Variants in RPH3A observed in about 807,000 individuals in gnomAD.
RPH3A encodes rabphilin 3A.
A neutral mutation model predicts 102.2 loss-of-function variants in RPH3A; 48 were observed. The ratio of observed to expected loss-of-function variants is 0.47; its 90% confidence interval spans 0.37 to 0.60. RPH3A has a LOEUF of 0.60. RPH3A is among the 20% of genes least tolerant of loss of function. The probability of loss-of-function intolerance (pLI) is 0.00; values close to 1 mark genes in which losing one functional copy is unlikely to be tolerated. For missense variants in RPH3A, 781 were observed against 910.1 expected (o/e 0.86, Z 1.83); for synonymous variants, 310 against 324.3 (o/e 0.96, Z 0.47).
At chr12:112,847,651 T>A (rs1284033680) in intron 4 of RPH3A, 45 bp from the exon 5 acceptor site, 2 of 1,592,928 alleles carry the variant, frequency 1.3e-6, no homozygotes, top group Non-Finnish European at 1.7e-6. Flanking sequence ...GAATTTGAAC[T>A]ACTATTTTCT....
chr12:112,632,746 C>T (rs1028654458), intron 1 of RPH3A, among the ~76,000 whole-genome samples: 5 of 152,184 alleles, frequency 3.3e-5, no homozygotes, highest in African/African-American at 1.2e-4. Flanking sequence ...GTACTACTGG[C>T]ATCTAGTGCA....
chr12:112,664,905 G>T (rs2040073915), intron 1 of RPH3A, among the ~76,000 whole-genome samples: 1 of 151,664 alleles, frequency 6.6e-6, no homozygotes, highest in African/African-American at 2.4e-5. Flanking sequence ...TGGAAGAGCT[G>T]GGGACTTAAC....
chr12:112,763,816 C>T (rs111496114), intron 1 of RPH3A, among the ~76,000 whole-genome samples: 1,913 of 152,232 alleles, frequency 0.013, 45 homozygotes, highest in African/African-American at 0.044. Context: ...TTGGAATGCC[C>T]TTAGCTGCGA....
chr12:112,843,659 T>C (rs78697240), intron 4 of RPH3A, among the ~76,000 whole-genome samples: 2,755 of 152,252 alleles, frequency 0.018, 102 homozygotes, highest in African/African-American at 0.063. Flanking sequence ...GAATGTGTCC[T>C]TGGAGGGTCT....
chr12:112,764,168 G>A (rs537831017), intron 1 of RPH3A, among the ~76,000 whole-genome samples: 2 of 152,186 alleles, frequency 1.3e-5, no homozygotes, highest in African/African-American at 2.4e-5. Flanking sequence ...CAGGAGAAAA[G>A]GCATACAAAT....
At chr12:112,826,483 T>G (rs1486922019) in intron 2 of RPH3A, among the ~76,000 whole-genome samples, 27 of 152,170 alleles carry the variant, frequency 1.8e-4, no homozygotes. Context: ...TCTCAAGAGT[T>G]TAGCTTGATG....
chr12:112,710,620 A>C (rs953841031), intron 1 of RPH3A, among the ~76,000 whole-genome samples: 3 of 152,212 alleles, frequency 2.0e-5, no homozygotes, highest in African/African-American at 7.2e-5. Context: ...CATAGACTCC[A>C]CTTGTACATA....
Position 112,896,640 on chromosome 12 carries a change from T to C in RPH3A, c.1955-10T>C. 1 of 1,614,058 alleles carries C rather than the reference T, an allele frequency of 6.2e-7. No homozygotes were observed. Among genetic ancestry groups the C allele is most frequent in the African/African-American group, 1.3e-5 (1 of 75,046 alleles). Reference sequence around the variant, plus strand: ...GACCACCTGCTCCTATCTTCCCATTTATCCTCCAGGAGGCTGCCAGCTGGG... The same window carrying C: ...GACCACCTGCTCCTATCTTCCCATTCATCCTCCAGGAGGCTGCCAGCTGGG... On this transcript the variant is annotated splice_polypyrimidine_tract_variant and intron_variant, in intron 21 of 21. Transcript: ENST00000389385.
chr12:112,646,865 GGTT>G, intron 1 of RPH3A, among the ~76,000 whole-genome samples: 1 of 152,258 alleles, frequency 6.6e-6, no homozygotes, highest in South Asian at 2.1e-4. Flanking sequence ...TCACAGAGTT[GGTT>G]TGATGACCGA....
upstream of RPH3A, among the ~76,000 whole-genome samples, chr12:112,789,089 T>C (rs1305014713): frequency 1.3e-5 from 2 of 151,572 alleles, no homozygotes; most frequent in African/African-American, 4.9e-5. Context: ...ATCCAGGAGG[T>C]GGAGGTTGCG....
At chr12:112,669,975 T>TGCAGAGAGTACATGAG (rs1760897700) in intron 1 of RPH3A, among the ~76,000 whole-genome samples, 1 of 152,248 alleles carries the variant, frequency 6.6e-6, no homozygotes, top group Admixed American at 6.5e-5. Context: ...CAATGTTTTG[T>TGCAGAGAGTACATGAG]TACTATAAAC....
chr12:112,839,606 A>G (rs2042109561), intron 4 of RPH3A, among the ~76,000 whole-genome samples: 1 of 152,210 alleles, frequency 6.6e-6, no homozygotes, highest in Non-Finnish European at 1.5e-5. Context: ...CTTTGGAGGC[A>G]TTGCCTCTGG....
intron 1 of RPH3A, among the ~76,000 whole-genome samples, chr12:112,654,329 G>A (rs2039996023): frequency 6.6e-6 from 1 of 152,152 alleles, no homozygotes; most frequent in Non-Finnish European, 1.5e-5. Flanking sequence ...GTCTGCAGAA[G>A]CATCTACTAA....
intron 1 of RPH3A, among the ~76,000 whole-genome samples, chr12:112,695,451 C>T (rs1263692600): frequency 6.6e-6 from 1 of 152,088 alleles, no homozygotes; most frequent in East Asian, 1.9e-4. Context: ...ATAATATAGG[C>T]CAGTTTCAGA....
chr12:112,610,339 C>T (rs2039629524), intron 1 of RPH3A, among the ~76,000 whole-genome samples: 1 of 151,904 alleles, frequency 6.6e-6, no homozygotes, highest in African/African-American at 2.4e-5. Context: ...CCCGTCTCTA[C>T]TAAAAATACA....
chr12:112,712,886 T>G (rs1380595462), intron 1 of RPH3A, among the ~76,000 whole-genome samples: 2 of 138,310 alleles, frequency 1.4e-5, no homozygotes, highest in Non-Finnish European at 1.5e-5. Context: ...TTTTTTCTTC[T>G]TCTTCTTCTT....
chr12:112,679,443 G>A (rs144446207), intron 1 of RPH3A, among the ~76,000 whole-genome samples: 9 of 150,226 alleles, frequency 6.0e-5, no homozygotes, highest in Admixed American at 3.3e-4. Flanking sequence ...TTGAGCCACC[G>A]TAGACTCTCA....
chr12:112,774,980 A>G (rs1320465680), intron 1 of RPH3A, among the ~76,000 whole-genome samples: 2 of 152,094 alleles, frequency 1.3e-5, no homozygotes, highest in Non-Finnish European at 2.9e-5. Flanking sequence ...AATGAAAAAA[A>G]GAAAATCCTT....
At chr12:112,686,374 C>T (rs2040263111) in intron 1 of RPH3A, among the ~76,000 whole-genome samples, 1 of 152,146 alleles carries the variant, frequency 6.6e-6, no homozygotes, top group Non-Finnish European at 1.5e-5. Context: ...AACCAGTAGA[C>T]TGAAGTCTAT....
Sources: gnomAD v4.1 joint callset for allele counts (sites outside exome capture counted in the v4.1 genomes callset) on GRCh38, gnomAD v4.1.1 for gene constraint, MANE v1.5 for transcripts, NCBI Gene and HGNC (gene_info 2026-07-23, HGNC 2026-07-21) for gene names.